Variants in DDHD2 observed in about 807,000 individuals in gnomAD.
DDHD2 encodes triacylglycerol hydrolase DDHD2.
Under a neutral mutation model 91.2 loss-of-function variants are expected in DDHD2, and 62 were observed. The ratio of observed to expected loss-of-function variants is 0.68; its 90% CI spans 0.55 to 0.84. The LOEUF (loss-of-function observed/expected upper bound fraction) is 0.84, where lower values mean the gene tolerates loss of function less well. Among genes scored for constraint, DDHD2 ranks in the 40% least tolerant of loss-of-function variants. The pLI is 0.00. For missense variants in DDHD2, 740 were observed against 846.9 expected, an observed-to-expected ratio of 0.87 and a Z score of 1.57; for synonymous variants, 271 against 293.9, an observed-to-expected ratio of 0.92 and a Z score of 0.80.
intron 4 of DDHD2, 67 bp from the exon 5 acceptor site, chr8:38,238,022 A>G: frequency 6.9e-7 from 1 of 1,453,744 alleles, no homozygotes; most frequent in Non-Finnish European, 9.2e-7. Flanking sequence ...TCTACACTTA[A>G]AACTGCATTG....
At chr8:38,269,348 G>T in intron 1 of DDHD2, 1 of 806,634 alleles carries the variant, frequency 1.2e-6, no homozygotes, top group Non-Finnish European at 1.8e-6. Context: ...CGAGGGCATC[G>T]TCTGGCAAAG....
intron 6 of DDHD2, 23 bp from the exon 7 acceptor site, chr8:38,242,227 C>G: frequency 6.4e-7 from 1 of 1,562,660 alleles, no homozygotes; most frequent in Non-Finnish European, 8.7e-7. Context: ...ATTGTTGATG[C>G]ATAAGTTAAT....
intron 7 of DDHD2, among the ~76,000 whole-genome samples, chr8:38,243,771 C>T (rs1805418438): frequency 1.3e-5 from 2 of 151,570 alleles, no homozygotes; most frequent in South Asian, 4.2e-4. Flanking sequence ...GCTGGGACTA[C>T]AGGCATGTGG....
At chr8:38,244,986 T>G (rs543742150) in intron 7 of DDHD2, among the ~76,000 whole-genome samples, 1 of 151,394 alleles carries the variant, frequency 6.6e-6, no homozygotes, top group African/African-American at 2.4e-5. Context: ...TATTATATTT[T>G]TATACATATT....
chr8:38,246,056 G>A, intron 8 of DDHD2, 106 bp downstream of exon 8: 1 of 1,274,454 alleles, frequency 7.8e-7, no homozygotes, highest in Non-Finnish European at 1.1e-6. Context: ...AGGTCTAGAA[G>A]TGGTCTGTGG....
At chr8:38,267,947 G>A in intron 1 of DDHD2, 4 of 1,613,962 alleles carry the variant, frequency 2.5e-6, no homozygotes, top group Non-Finnish European at 3.4e-6. Context: ...TCAGAGCCAG[G>A]GCAAGGCTGG....
intron 16 of DDHD2, among the ~76,000 whole-genome samples, chr8:38,255,921 G>A (rs1207717631): frequency 6.6e-6 from 1 of 152,094 alleles, no homozygotes; most frequent in African/African-American, 2.4e-5. Flanking sequence ...CAAATAAGAG[G>A]TTGTACCTTT....
At chr8:38,255,829 G>A (rs1806475141) in intron 16 of DDHD2, among the ~76,000 whole-genome samples, 1 of 151,978 alleles carries the variant, frequency 6.6e-6, no homozygotes, top group South Asian at 2.1e-4. Flanking sequence ...CTACTCATGA[G>A]TATATCTGTA....
At position 38,245,013 on chromosome 8, in the gene DDHD2, A is replaced by G. The variant is rs10094664; in HGVS notation, c.849-729A>G. ...ATACATATTTTATACATATTTTTAT[A>G]TACATTAATTATATAATTATATACA... On this transcript the variant is annotated intron_variant, in intron 7 of 17. Coordinates refer to ENST00000397166, the MANE Select transcript of DDHD2 (RefSeq NM_015214.3). 4.3e-3 allele frequency among the ~76,000 whole-genome samples: 652 copies of G among 150,790 alleles called. 3 individuals carry two copies. Among genetic ancestry groups the G allele is most frequent in the African/African-American group, 0.014 (569 of 41,310 alleles).
intron 5 of DDHD2, chr8:38,238,517 A>G (rs973060741): frequency 7.3e-6 from 8 of 1,100,456 alleles, no homozygotes; most frequent in Non-Finnish European, 8.9e-6. Context: ...CTAGAAATTT[A>G]TACCTGGTAA....
chr8:38,244,290 T>C (rs1379283688), intron 7 of DDHD2, among the ~76,000 whole-genome samples: 2 of 149,686 alleles, frequency 1.3e-5, no homozygotes, highest in Admixed American at 1.3e-4. Context: ...TGAGATGGAG[T>C]GTCGCTCTGT....
At chr8:38,242,483 T>C in intron 7 of DDHD2, 98 bp downstream of exon 7, 1 of 1,312,322 alleles carries the variant, frequency 7.6e-7, no homozygotes, top group East Asian at 2.5e-5. Flanking sequence ...TGACTGAATA[T>C]TTAAAATTTC....
intron 1 of DDHD2, chr8:38,269,167 C>A: frequency 6.6e-7 from 1 of 1,509,794 alleles, no homozygotes; most frequent in East Asian, 2.7e-5. Context: ...CCACTTCGGC[C>A]CCAAAGGCCA....
At chr8:38,264,952 A>G (rs913245458), downstream of DDHD2, 6 of 1,596,320 alleles carry the variant, frequency 3.8e-6, no homozygotes, top group African/African-American at 8.1e-5. Context: ...AAAGGGTCCT[A>G]GAGGAAGGAA....
intron 1 of DDHD2, chr8:38,268,219 C>G (rs1221420369): frequency 4.8e-6 from 5 of 1,048,026 alleles, no homozygotes; most frequent in Non-Finnish European, 6.8e-6. Flanking sequence ...TAACCAAGTC[C>G]CTGCAGTGCT....
chr8:38,268,113 T>A (rs1807972976), intron 1 of DDHD2: 3 of 1,459,110 alleles, frequency 2.1e-6, no homozygotes, highest in Non-Finnish European at 2.7e-6. Flanking sequence ...GATCACTCTT[T>A]TGTAGCCGAG....
At chr8:38,270,103 G>A (rs1254602292) in intron 1 of DDHD2, 1 of 152,166 alleles carries the variant, frequency 6.6e-6, no homozygotes, top group African/African-American at 2.4e-5. Flanking sequence ...TAATGCCCTA[G>A]TGGAACACCC....
intron 6 of DDHD2, 139 bp downstream of exon 6, chr8:38,240,503 C>T (rs1805166703): frequency 2.0e-6 from 1 of 497,466 alleles, no homozygotes. Context: ...TAAAGCTTCT[C>T]AGCTTAGACC....
At chr8:38,238,325 A>G (rs1212408989) in intron 5 of DDHD2, 116 bp downstream of exon 5, 2 of 1,500,770 alleles carry the variant, frequency 1.3e-6, no homozygotes, top group East Asian at 2.4e-5. Context: ...CTTTAATCAT[A>G]TGGGTTTATT....
Sources: gnomAD v4.1 joint callset for allele counts (sites outside exome capture counted in the v4.1 genomes callset) on GRCh38, gnomAD v4.1.1 for gene constraint, MANE v1.5 for transcripts, NCBI Gene and HGNC (gene_info 2026-07-23, HGNC 2026-07-21) for gene names.